Variants in STT3B observed in about 807,000 individuals in gnomAD.
STT3B encodes STT3 oligosaccharyltransferase complex catalytic subunit B.
In STT3B, 29 loss-of-function variants were observed where a neutral mutation model predicts 96.8. The observed-to-expected ratio is 0.30, with a 90% CI of 0.22 to 0.41. The LOEUF is 0.41. Among genes scored for constraint, STT3B ranks in the 10% least tolerant of loss-of-function variants. The probability of loss-of-function intolerance (pLI) is 1.00; values close to 1 mark genes in which losing one functional copy is unlikely to be tolerated. For synonymous variants in STT3B, 367 were observed against 360.0 expected (o/e 1.02, Z -0.22); for missense variants, 640 against 1,022.3 (o/e 0.63, Z 5.10).
intron 5 of STT3B, among the ~76,000 whole-genome samples, chr3:31,602,081 G>C (rs186700111): frequency 1.3e-5 from 2 of 152,108 alleles, no homozygotes; most frequent in East Asian, 3.9e-4. Flanking sequence ...CTGTGATCTT[G>C]CCACTGCACT....
chr3:31,574,965 CT>C (rs796477780), intron 1 of STT3B, among the ~76,000 whole-genome samples: 10 of 152,064 alleles, frequency 6.6e-5, no homozygotes, highest in African/African-American at 2.4e-4. Flanking sequence ...CATTTTTGTC[CT>C]TTATGCTATT....
At chr3:31,553,589 T>A (rs928962312) in intron 1 of STT3B, among the ~76,000 whole-genome samples, 1 of 152,188 alleles carries the variant, frequency 6.6e-6, no homozygotes, top group Non-Finnish European at 1.5e-5. Context: ...GAAGTCAAAG[T>A]ATGCTTGGAA....
intron 1 of STT3B, among the ~76,000 whole-genome samples, chr3:31,553,188 A>G (rs939464537): frequency 2.6e-5 from 4 of 151,964 alleles, no homozygotes; most frequent in Non-Finnish European, 5.9e-5. Context: ...AATGGTAACT[A>G]TTTTGGAGAA....
At chr3:31,611,432 CAT>C (rs1699177552) in intron 5 of STT3B, among the ~76,000 whole-genome samples, 1 of 152,100 alleles carries the variant, frequency 6.6e-6, no homozygotes, top group African/African-American at 2.4e-5. Context: ...AATTTCTAAA[CAT>C]ATATTAGATG....
At chr3:31,557,171 CT>C (rs1697739703) in intron 1 of STT3B, among the ~76,000 whole-genome samples, 1 of 152,136 alleles carries the variant, frequency 6.6e-6, no homozygotes, top group Non-Finnish European at 1.5e-5. Context: ...TTCTTGAAGC[CT>C]TCGTTGAAAA....
chr3:31,549,754 A>G (rs960110742), intron 1 of STT3B, among the ~76,000 whole-genome samples: 4 of 152,138 alleles, frequency 2.6e-5, no homozygotes, highest in Admixed American at 1.3e-4. Context: ...TTTACATATA[A>G]TATTTATTGG....
At chr3:31,544,934 C>G (rs1697365499) in intron 1 of STT3B, among the ~76,000 whole-genome samples, 1 of 151,550 alleles carries the variant, frequency 6.6e-6, no homozygotes, top group African/African-American at 2.4e-5. Context: ...AAGACTCTGT[C>G]TCAGGGAGCG....
intron 1 of STT3B, among the ~76,000 whole-genome samples, chr3:31,575,465 T>TG (rs1698243760): frequency 6.6e-6 from 1 of 151,468 alleles, no homozygotes; most frequent in African/African-American, 2.4e-5. Context: ...CTTGATTTTT[T>TG]TGGGGGGGGG....
intron 4 of STT3B, among the ~76,000 whole-genome samples, 175 bp from the exon 5 acceptor site, chr3:31,600,182 AATG>A (rs1269060393): frequency 6.6e-6 from 1 of 152,142 alleles, no homozygotes; most frequent in Non-Finnish European, 1.5e-5. Flanking sequence ...GTGTTATTTT[AATG>A]ATCAATAAAA....
At chr3:31,590,395 C>G (rs1316674654) in intron 3 of STT3B, among the ~76,000 whole-genome samples, 1 of 151,808 alleles carries the variant, frequency 6.6e-6, no homozygotes, top group Non-Finnish European at 1.5e-5. Context: ...TTATTTTCTC[C>G]ATTTCTACTT....
intron 12 of STT3B, 80 bp downstream of exon 12, chr3:31,625,165 A>C (rs948492104): frequency 1.6e-6 from 2 of 1,289,102 alleles, no homozygotes; most frequent in Non-Finnish European, 2.1e-6. Flanking sequence ...CTAAATAGGA[A>C]AAATGTGGGT....
chr3:31,625,016 G>C lies in STT3B; in HGVS notation c.1830G>C (p.Gln610His). ...RVMSWWDYGY[Q>H]IAGMANRTTL... ...TGTCTTGGTGGGATTATGGCTATCAGATAGCTGGAATGGCTAATAGAACTA... is the reference window on the plus strand; with the variant it reads ...TGTCTTGGTGGGATTATGGCTATCACATAGCTGGAATGGCTAATAGAACTA... Residue 610 changes from glutamine (Q) to histidine (H), a missense_variant, in exon 12 of 16, where the codon CAG becomes CAC. Transcript: ENST00000295770. 3 of 1,613,888 alleles carry C rather than the reference G, an allele frequency of 1.9e-6. No individual in the cohort carries two copies. Among genetic ancestry groups the C allele is most frequent in the Non-Finnish European group, 2.5e-6 (3 of 1,179,900 alleles).
chr3:31,605,019 T>C (rs886325132), intron 5 of STT3B, among the ~76,000 whole-genome samples: 1 of 152,198 alleles, frequency 6.6e-6, no homozygotes, highest in African/African-American at 2.4e-5. Context: ...CAGGTTAATA[T>C]ATGAAAGGTG....
chr3:31,533,549 G>T (rs898716022), intron 1 of STT3B: 1 of 397,314 alleles, frequency 2.5e-6, no homozygotes, highest in Non-Finnish European at 4.0e-6. Context: ...TTGATTCTCG[G>T]CCGGGCTAGT....
rs1052826191 is a variant in STT3B at position 31,633,769 on chromosome 3, C to A, written c.2400+622C>A. ...TTATAATTTTTGCTATAAAAGATGGCTAAAAATTAGTATTTATATAGGTTG... is the reference window on the plus strand; with the variant it reads ...TTATAATTTTTGCTATAAAAGATGGATAAAAATTAGTATTTATATAGGTTG... On this transcript the variant is annotated intron_variant, in intron 15 of 15. Coordinates refer to ENST00000295770, the MANE Select transcript of STT3B (RefSeq NM_178862.3). 9.9e-5 allele frequency among the ~76,000 whole-genome samples: 15 copies of A among 151,968 alleles called. No individual in the cohort carries two copies. The East Asian group carries it at 2.7e-3, about 27-fold the overall frequency.
chr3:31,605,102 G>T (rs1699018973), intron 5 of STT3B, among the ~76,000 whole-genome samples: 1 of 152,108 alleles, frequency 6.6e-6, no homozygotes, highest in Non-Finnish European at 1.5e-5. Context: ...AGTTATGAAG[G>T]AATAGCCAGA....
intron 13 of STT3B, among the ~76,000 whole-genome samples, chr3:31,627,792 C>T (rs547971074): frequency 6.6e-6 from 1 of 152,256 alleles, no homozygotes; most frequent in East Asian, 1.9e-4. Context: ...AAAACTGTGA[C>T]ATGTGATAGA....
intron 10 of STT3B, among the ~76,000 whole-genome samples, chr3:31,623,436 G>A (rs1457871507): frequency 6.6e-6 from 1 of 152,134 alleles, no homozygotes; most frequent in East Asian, 1.9e-4. Context: ...GCTTCTTACT[G>A]GAGATAATTA....
chr3:31,580,137 A>G, intron 3 of STT3B, 41 bp downstream of exon 3: 1 of 1,582,542 alleles, frequency 6.3e-7, no homozygotes. Context: ...ATTACTCGTG[A>G]CCTTTCTCCT....
Sources: allele counts gnomAD v4.1 joint callset (sites outside exome capture counted in the v4.1 genomes callset), GRCh38; gene constraint gnomAD v4.1.1; transcripts MANE v1.5; gene names NCBI Gene and HGNC (gene_info 2026-07-23, HGNC 2026-07-21).